Variants in NELL2 observed in about 807,000 individuals in gnomAD.
NELL2 encodes the protein protein kinase C-binding protein NELL2.
A neutral mutation model predicts 109.6 loss-of-function variants in NELL2; 41 were observed. The ratio of observed to expected loss-of-function variants is 0.37; its 90% CI spans 0.29 to 0.49. The LOEUF (loss-of-function observed/expected upper bound fraction) is 0.49. Ranked by LOEUF, NELL2 falls within the 20% of genes least tolerant of loss-of-function variation. The pLI is 0.98. For missense variants in NELL2, 900 were observed against 1,008.3 expected (o/e 0.89, Z 1.45); for synonymous variants, 355 against 344.7 (o/e 1.03, Z -0.33).
At chr12:44,531,605 C>G (rs1013731483) in intron 16 of NELL2, among the ~76,000 whole-genome samples, 8 of 152,188 alleles carry the variant, frequency 5.3e-5, no homozygotes, top group African/African-American at 1.9e-4. Context: ...AGGCTAGAAG[C>G]CTTGGCATCC....
At chr12:44,879,047 G>A (rs989419360), upstream of NELL2, among the ~76,000 whole-genome samples, 3 of 152,214 alleles carry the variant, frequency 2.0e-5, no homozygotes, top group Admixed American at 6.5e-5. Context: ...CCTTAAATGT[G>A]GAAGAAGGAG....
chr12:44,639,699 TC>T (rs1346339041), intron 13 of NELL2, among the ~76,000 whole-genome samples: 1 of 152,092 alleles, frequency 6.6e-6, no homozygotes, highest in East Asian at 1.9e-4. Context: ...CTTAAAATGG[TC>T]CTCTTAATTC....
chr12:44,619,692 G>C (rs1945976001), intron 13 of NELL2, among the ~76,000 whole-genome samples: 1 of 151,674 alleles, frequency 6.6e-6, no homozygotes, highest in Non-Finnish European at 1.5e-5. Context: ...AAGAAAAACA[G>C]AAAGAAACTT....
chr12:44,541,250 C>CAAAAAAAAAAAAAAAAAAAA (rs3071951), intron 15 of NELL2, among the ~76,000 whole-genome samples: 2 of 78,894 alleles, frequency 2.5e-5, no homozygotes, highest in Admixed American at 1.7e-4. Context: ...GACTCCATCT[C>CAAAAAAAAAAAAAAAAAAAA]AAAAAAAAAA....
intron 10 of NELL2, among the ~76,000 whole-genome samples, chr12:44,713,481 T>C (rs1938328935): frequency 6.6e-6 from 1 of 151,904 alleles, no homozygotes; most frequent in South Asian, 2.1e-4. Context: ...GGCATTGGTG[T>C]AGGGAGGCTG....
intron 13 of NELL2, among the ~76,000 whole-genome samples, chr12:44,612,693 CT>C (rs1285612696): frequency 6.6e-6 from 1 of 151,876 alleles, no homozygotes; most frequent in African/African-American, 2.4e-5. Context: ...AGGTTTGCAC[CT>C]GCTGCCAATT....
intron 3 of NELL2, among the ~76,000 whole-genome samples, chr12:44,807,748 C>T (rs1943049317): frequency 6.6e-6 from 1 of 151,766 alleles, no homozygotes; most frequent in African/African-American, 2.4e-5. Context: ...CAATTATTTC[C>T]AATGAACAAT....
At chr12:44,557,185 G>A (rs1943289845) in intron 15 of NELL2, among the ~76,000 whole-genome samples, 1 of 152,130 alleles carries the variant, frequency 6.6e-6, no homozygotes, top group Non-Finnish European at 1.5e-5. Flanking sequence ...GCTTTGGAAA[G>A]TTTATCTTTG....
At chr12:44,644,608 G>GTATATATATATATATACATACATATA (rs1947007811) in intron 13 of NELL2, among the ~76,000 whole-genome samples, 2 of 90,830 alleles carry the variant, frequency 2.2e-5, no homozygotes, top group African/African-American at 9.2e-5. Context: ...ATATATGTAT[G>GTATATATATATATATACATACATATA]TATATATATA....
At chr12:44,727,297 G>C (rs1470809200) in intron 9 of NELL2, among the ~76,000 whole-genome samples, 1 of 152,076 alleles carries the variant, frequency 6.6e-6, no homozygotes, top group Non-Finnish European at 1.5e-5. Context: ...TCTAATGTCT[G>C]AGCAGTGTTA....
chr12:44,890,070 T>C (rs1456718745), intron 1 of NELL2, among the ~76,000 whole-genome samples: 1 of 152,192 alleles, frequency 6.6e-6, no homozygotes, highest in African/African-American at 2.4e-5. Flanking sequence ...TCAGCCAAAG[T>C]GTCTGTTCAC....
intron 2 of NELL2, among the ~76,000 whole-genome samples, chr12:44,834,065 T>C (rs996259623): frequency 2.0e-5 from 3 of 152,214 alleles, no homozygotes; most frequent in Admixed American, 6.5e-5. Flanking sequence ...TCCACCTCAA[T>C]ACCACACTTA....
At chr12:44,811,273 C>T (rs1336699239) in intron 3 of NELL2, among the ~76,000 whole-genome samples, 1 of 142,686 alleles carries the variant, frequency 7.0e-6, no homozygotes, top group Non-Finnish European at 1.5e-5. Context: ...AGCAAACCAC[C>T]ATGGCACATG....
At chr12:44,918,787 GT>G (rs1292684600), upstream of NELL2, among the ~76,000 whole-genome samples, 1 of 152,110 alleles carries the variant, frequency 6.6e-6, no homozygotes, top group East Asian at 1.9e-4. Context: ...TTTGTAAGGT[GT>G]CATGCAGAGG....
At chr12:44,653,344 G>A (rs1435510089) in intron 13 of NELL2, among the ~76,000 whole-genome samples, 1 of 152,106 alleles carries the variant, frequency 6.6e-6, no homozygotes, top group Admixed American at 6.5e-5. Context: ...ACAACTAGTG[G>A]ATAGTAGAAG....
chr12:44,882,513 C>T (rs1043109511), intron 1 of NELL2, among the ~76,000 whole-genome samples: 2 of 151,496 alleles, frequency 1.3e-5, no homozygotes, highest in Non-Finnish European at 2.9e-5. Context: ...CACGCACACA[C>T]ACGCACACAT....
intron 10 of NELL2, among the ~76,000 whole-genome samples, chr12:44,712,782 G>T (rs1938274470): frequency 6.6e-6 from 1 of 151,896 alleles, no homozygotes; most frequent in African/African-American, 2.4e-5. Flanking sequence ...TGAAGACTTG[G>T]TGTAACAAAA....
intron 2 of NELL2, among the ~76,000 whole-genome samples, chr12:44,866,904 T>C (rs1017515667): frequency 2.6e-5 from 4 of 152,076 alleles, no homozygotes; most frequent in Admixed American, 2.6e-4. Flanking sequence ...TAGGAATGTA[T>C]TCATTCCTAG....
intron 12 of NELL2, among the ~76,000 whole-genome samples, chr12:44,700,736 G>T (rs1377349696): frequency 6.6e-6 from 1 of 152,046 alleles, no homozygotes; most frequent in Non-Finnish European, 1.5e-5. Flanking sequence ...CATTTGCAAT[G>T]AAATGTTCTT....
Sources: gnomAD v4.1 joint callset for allele counts (sites outside exome capture counted in the v4.1 genomes callset) on GRCh38, gnomAD v4.1.1 for gene constraint, MANE v1.5 for transcripts, NCBI Gene and HGNC (gene_info 2026-07-23, HGNC 2026-07-21) for gene names.